CPT1A: variants seen among roughly 807,000 people sequenced by gnomAD.
CPT1A encodes carnitine O-palmitoyltransferase 1, liver isoform.
In CPT1A, 64 loss-of-function variants were observed where a neutral mutation model predicts 100.8. That is an observed-to-expected ratio of 0.63 (90% confidence interval 0.52 to 0.78). CPT1A has a LOEUF of 0.78. CPT1A is among the 30% of genes least tolerant of loss of function. The pLI is 0.00. For missense variants in CPT1A, 802 were observed against 1,034.1 expected, an observed-to-expected ratio of 0.78 and a Z score of 3.08; for synonymous variants, 363 against 396.0, an observed-to-expected ratio of 0.92 and a Z score of 0.99.
At chr11:68,811,506 G>A (rs1014343428) in intron 3 of CPT1A, among the ~76,000 whole-genome samples, 3 of 152,136 alleles carry the variant, frequency 2.0e-5, no homozygotes, top group African/African-American at 7.2e-5. Flanking sequence ...GTAAAGCAGC[G>A]GTGTTCACTC....
rs905266605 is a variant in CPT1A at position 68,820,386 on chromosome 11, A to G, written c.-13-4899T>C. ...TGGTCAACCACCATCTGAAAATATT[A>G]AATGGAAAACTCCAGGCTTGGTGCG... On this transcript the variant is annotated intron_variant, in intron 1 of 18. Transcript: ENST00000265641. 1.4e-4 allele frequency among the ~76,000 whole-genome samples: 21 copies of G among 152,114 alleles called. No homozygotes were observed. The East Asian group carries it at 3.9e-3, about 28-fold the overall frequency.
intron 1 of CPT1A, among the ~76,000 whole-genome samples, chr11:68,826,195 C>T (rs1856723243): frequency 6.6e-6 from 1 of 152,170 alleles, no homozygotes; most frequent in African/African-American, 2.4e-5. Flanking sequence ...CCTGTAATCC[C>T]AGCACTTTGG....
intron 2 of CPT1A, among the ~76,000 whole-genome samples, chr11:68,813,835 G>A (rs969639379): frequency 6.6e-6 from 1 of 152,184 alleles, no homozygotes; most frequent in Non-Finnish European, 1.5e-5. Flanking sequence ...GGCGAGCCGA[G>A]CTAGTGCCTC....
chr11:68,785,111 G>T, intron 9 of CPT1A, 101 bp from the exon 10 acceptor site: 1 of 966,606 alleles, frequency 1.0e-6, no homozygotes, highest in Non-Finnish European at 1.6e-6. Context: ...GGGAGTCCCT[G>T]CTCTGCGTCT....
intron 10 of CPT1A, among the ~76,000 whole-genome samples, chr11:68,783,156 C>T (rs1478149249): frequency 6.6e-6 from 1 of 152,152 alleles, no homozygotes. Context: ...GCTCCTGCTC[C>T]CAGGCCTGGC....
chr11:68,833,361 T>A (rs1856927121), intron 1 of CPT1A, among the ~76,000 whole-genome samples: 1 of 152,252 alleles, frequency 6.6e-6, no homozygotes, highest in Admixed American at 6.5e-5. Context: ...GTGCGCTCTC[T>A]GCACTGTATG....
At chr11:68,785,279 G>A (rs573653139) in intron 9 of CPT1A, among the ~76,000 whole-genome samples, 4 of 152,112 alleles carry the variant, frequency 2.6e-5, no homozygotes, top group East Asian at 1.9e-4. Context: ...CAGGCGCAGT[G>A]GGAGGCTGGG....
At position 68,780,752 on chromosome 11, in the gene CPT1A, GA is replaced by G; in HGVS notation, c.1353-8del. 1 of 1,611,188 alleles carries G rather than the reference GA, an allele frequency of 6.2e-7. No homozygotes were observed. Among genetic ancestry groups the G allele is most frequent in the Non-Finnish European group, 8.5e-7 (1 of 1,177,318 alleles). ...GAACGACTTGTCAAACCACCTACGT[GA>G]AACACACATGTGTGGAACTTAAGTG... is the stretch of plus-strand genomic sequence containing the variant. On this transcript the variant is annotated splice_region_variant and splice_polypyrimidine_tract_variant and intron_variant, in intron 11 of 18. Coordinates refer to ENST00000265641, the MANE Select transcript of CPT1A (RefSeq NM_001876.4).
At chr11:68,843,560 G>T (rs1265054138), upstream of CPT1A, among the ~76,000 whole-genome samples, 1 of 152,202 alleles carries the variant, frequency 6.6e-6, no homozygotes, top group African/African-American at 2.4e-5. The surrounding 1 kb of genome is among the most constrained non-coding windows in gnomAD (Gnocchi z 4.0). Context: ...TGCAAGCGGG[G>T]CCCTGTCTCC....
intron 2 of CPT1A, among the ~76,000 whole-genome samples, chr11:68,814,595 A>C (rs1417492739): frequency 6.6e-6 from 1 of 152,222 alleles, no homozygotes; most frequent in Non-Finnish European, 1.5e-5. Flanking sequence ...GGTGTGAGCC[A>C]CTGCACCCGG....
In CPT1A at chr11:68,780,673, C is replaced by T. The variant is rs80356794; in HGVS notation, c.1425G>A (p.Trp475Ter). 1 of 1,614,206 alleles carries T rather than the reference C, an allele frequency of 6.2e-7. No homozygotes were observed. The highest frequency in any genetic ancestry group is 8.5e-7 in the Non-Finnish European group (1 of 1,180,028). The change falls in exon 12 of 19, where the codon TGG becomes TGA. Residue 475 changes from tryptophan to a stop codon, truncating the protein, a stop_gained. Transcript: ENST00000265641. LOFTEE classifies it high-confidence loss of function. ...GKMGLNAEHS[W>*]ADAPIVAHLW... ...GGTGGGCCACGATCGGCGCATCTGCCCAGGAGTGTTCAGCGTTGAGGCCCA... is the reference window on the plus strand; with the variant it reads ...GGTGGGCCACGATCGGCGCATCTGCTCAGGAGTGTTCAGCGTTGAGGCCCA...
intron 7 of CPT1A, among the ~76,000 whole-genome samples, chr11:68,795,148 T>A (rs996540540): frequency 1.3e-5 from 2 of 152,224 alleles, no homozygotes; most frequent in Non-Finnish European, 2.9e-5. Flanking sequence ...TAAAGATAAC[T>A]ATTTGCACCA....
At chr11:68,777,023 C>T (rs544631653) in intron 12 of CPT1A, among the ~76,000 whole-genome samples, 2 of 152,274 alleles carry the variant, frequency 1.3e-5, no homozygotes, top group Admixed American at 1.3e-4. Flanking sequence ...GCCGCTAATA[C>T]GTGGGGGTCA....
rs1855119996 is a variant in CPT1A, at chr11:68,775,503, A to C, written c.1459-71T>G. 2.5e-6 allele frequency: 3 copies of C among 1,203,118 alleles called. No individual in the cohort carries two copies. In the African/African-American group the frequency reaches 4.5e-5, roughly 18 times the overall value. 74.5% of individuals were successfully genotyped at this position (1,203,118 alleles called of 1,614,324 possible). On this transcript the variant is annotated intron_variant, in intron 12 of 18. Transcript: ENST00000265641. Reference sequence around the variant, plus strand: ...AAACACATTAACCTCCAACATGAAGAGAGGGTTGTTCTTTGCAGAGATGTT... The same window carrying C: ...AAACACATTAACCTCCAACATGAAGCGAGGGTTGTTCTTTGCAGAGATGTT...
intron 12 of CPT1A, among the ~76,000 whole-genome samples, chr11:68,779,724 C>T (rs887188619): frequency 3.5e-5 from 5 of 143,100 alleles, no homozygotes; most frequent in African/African-American, 7.8e-5. Context: ...TGAGCCTGGG[C>T]GGTCAAGGCT....
intron 1 of CPT1A, among the ~76,000 whole-genome samples, chr11:68,831,133 C>A (rs1048068955): frequency 1.3e-5 from 2 of 152,196 alleles, no homozygotes; most frequent in Non-Finnish European, 2.9e-5. Context: ...TCACTTTGTT[C>A]CCTTTCTCCA....
intron 1 of CPT1A, among the ~76,000 whole-genome samples, chr11:68,821,001 A>G (rs1188018873): frequency 1.3e-5 from 2 of 152,080 alleles, no homozygotes; most frequent in Non-Finnish European, 2.9e-5. Flanking sequence ...CCTCCTGTAT[A>G]TATATTTTTT....
chr11:68,839,447 GCGCTCGGATCCTGTTCCACC>G (rs1857106807), intron 1 of CPT1A: 13 of 939,372 alleles, frequency 1.4e-5, no homozygotes, highest in Admixed American at 6.2e-5. Context: ...CGCGTCCCAG[GCGCTCGGATCCTGTTCCACC>G]CGCCGTGCCC....
intron 10 of CPT1A, among the ~76,000 whole-genome samples, chr11:68,783,927 T>G (rs1013465268): frequency 6.6e-6 from 1 of 152,214 alleles, no homozygotes; most frequent in Admixed American, 6.5e-5. Flanking sequence ...TGGAGTGCAG[T>G]GCCTTGATCA....
Sources: gnomAD v4.1 joint callset for allele counts (sites outside exome capture counted in the v4.1 genomes callset) on GRCh38, gnomAD v4.1.1 for gene constraint, Gnocchi (gnomAD v3.1) non-coding constraint, MANE v1.5 for transcripts, NCBI Gene and HGNC (gene_info 2026-07-23, HGNC 2026-07-21) for gene names.